SPIDR: variants seen among roughly 807,000 people sequenced by gnomAD.
The protein encoded by SPIDR is scaffold protein involved in DNA repair, also known as DNA repair-scaffolding protein.
Under a neutral mutation model 104.6 loss-of-function variants are expected in SPIDR, and 93 were observed. The observed-to-expected ratio is 0.89, with a 90% CI of 0.75 to 1.06. SPIDR has a LOEUF of 1.06. SPIDR is among the 50% of genes least tolerant of loss of function. The pLI, the probability that SPIDR is intolerant of heterozygous loss-of-function variation, is 0.00. For missense variants in SPIDR, 1,154 were observed against 1,111.2 expected, an observed-to-expected ratio of 1.04 and a Z score of -0.55; for synonymous variants, 431 against 416.9, an observed-to-expected ratio of 1.03 and a Z score of -0.41.
intron 8 of SPIDR, among the ~76,000 whole-genome samples, chr8:47,539,637 T>C (rs1313231911): frequency 2.0e-5 from 3 of 152,082 alleles, no homozygotes; most frequent in Non-Finnish European, 4.4e-5. Context: ...AATCCACTCA[T>C]GTAAATGCTT....
chr8:47,615,283 G>A (rs556305536), intron 10 of SPIDR, among the ~76,000 whole-genome samples: 43 of 151,930 alleles, frequency 2.8e-4, no homozygotes, highest in Admixed American at 5.3e-4. Context: ...TGTGCTTTTG[G>A]TATCTTTTCT....
chr8:47,396,401 A>G lies in SPIDR; in HGVS notation c.551A>G (p.Tyr184Cys), dbSNP rs1554658420. ...CCAAGTTCTATAGAAATTTTAGAGT[A>G]TTCATCAGATAGTGAAAAAGAAGAT... is the stretch of plus-strand genomic sequence containing the variant. Reference protein sequence around the residue: ...PKPSSIEILEYSSDSEKEDDL... With the variant: ...PKPSSIEILECSSDSEKEDDL... The change falls in exon 6 of 20, where the codon TAT becomes TGT. Residue 184 changes from tyrosine to cysteine, a missense_variant. Physicochemically the swap from Tyr to Cys is radical, Grantham distance 194 (BLOSUM62 -2). Coordinates refer to ENST00000297423, the MANE Select transcript of SPIDR (RefSeq NM_001080394.4). The G allele has an allele frequency of 1.2e-6, 2 of 1,609,808 alleles. No individual in the cohort carries two copies. Among genetic ancestry groups the G allele is most frequent in the South Asian group, 1.1e-5 (1 of 90,960 alleles).
At chr8:47,727,897 T>C (rs900837296) in intron 17 of SPIDR, among the ~76,000 whole-genome samples, 1 of 152,004 alleles carries the variant, frequency 6.6e-6, no homozygotes, top group African/African-American at 2.4e-5. Context: ...GGCAGGCGGA[T>C]CATAAGGTAA....
intron 10 of SPIDR, among the ~76,000 whole-genome samples, chr8:47,623,599 T>C (rs1000234008): frequency 2.0e-5 from 3 of 152,084 alleles, no homozygotes; most frequent in African/African-American, 7.2e-5. Context: ...TAGTCTCTGA[T>C]AAAACAGACT....
In SPIDR at chr8:47,691,309, A is replaced by AAG. The variant is rs1218127439; in HGVS notation, c.1686-9088_1686-9087dup. On this transcript the variant is annotated intron_variant, in intron 11 of 19. Coordinates refer to ENST00000297423, the MANE Select transcript of SPIDR (RefSeq NM_001080394.4). ...CCGTCTCAAAAAAAAAAAAAAAAAA[A>AAG]AGAGAGAAAAGAAAAAGAAAAATAT... Among the ~76,000 whole-genome samples, 5 of 151,002 alleles carry AAG rather than the reference A, an allele frequency of 3.3e-5. No individual in the cohort carries two copies. In the South Asian group the frequency reaches 6.2e-4, roughly 19 times the overall value.
intron 10 of SPIDR, among the ~76,000 whole-genome samples, chr8:47,638,587 T>C (rs564502764): frequency 1.3e-5 from 2 of 152,320 alleles, no homozygotes; most frequent in South Asian, 2.1e-4. Context: ...CAGGAAAAGA[T>C]CCTTTTCTCA....
At chr8:47,598,128 ATAGTTT>A (rs1458283113) in intron 9 of SPIDR, among the ~76,000 whole-genome samples, 3 of 152,228 alleles carry the variant, frequency 2.0e-5, no homozygotes, top group African/African-American at 7.2e-5. Context: ...GTTTTAACAT[ATAGTTT>A]TAAACAGCTA....
intron 8 of SPIDR, among the ~76,000 whole-genome samples, chr8:47,505,643 C>T (rs1167718502): frequency 2.6e-5 from 4 of 152,148 alleles, no homozygotes; most frequent in African/African-American, 9.7e-5. Context: ...GCCCACTTTC[C>T]GATACTCCCC....
At chr8:47,461,011 G>A (rs1266826585) in intron 8 of SPIDR, among the ~76,000 whole-genome samples, 2 of 152,222 alleles carry the variant, frequency 1.3e-5, no homozygotes, top group South Asian at 2.1e-4. Context: ...CTTGTAGGGT[G>A]TCTGCTGAGA....
At chr8:47,662,117 C>T (rs80314050) in intron 10 of SPIDR, among the ~76,000 whole-genome samples, 5,471 of 152,310 alleles carry the variant, frequency 0.036, 146 homozygotes, top group Middle Eastern at 0.062. Flanking sequence ...GCGCTCTGTC[C>T]CGCATCCCTT....
At chr8:47,587,356 A>G (rs923406761) in intron 8 of SPIDR, among the ~76,000 whole-genome samples, 5 of 151,974 alleles carry the variant, frequency 3.3e-5, no homozygotes, top group Admixed American at 2.6e-4. Flanking sequence ...ACAGGGGCCT[A>G]TTTCTGGGAG....
intron 14 of SPIDR, among the ~76,000 whole-genome samples, chr8:47,709,654 T>A (rs1433581989): frequency 6.6e-6 from 1 of 152,202 alleles, no homozygotes; most frequent in Non-Finnish European, 1.5e-5. Context: ...TACTGATGTC[T>A]TTTTACAGAT....
chr8:47,515,145 C>T (rs1446235526), intron 8 of SPIDR, among the ~76,000 whole-genome samples: 1 of 152,194 alleles, frequency 6.6e-6, no homozygotes, highest in Admixed American at 6.5e-5. Flanking sequence ...CTGACCCCCA[C>T]TAGCCTTCAA....
intron 8 of SPIDR, among the ~76,000 whole-genome samples, chr8:47,543,704 G>A (rs2088696280): frequency 6.6e-6 from 1 of 152,146 alleles, no homozygotes; most frequent in African/African-American, 2.4e-5. Context: ...ATCCAGGGGT[G>A]GAATTTTTGG....
intron 10 of SPIDR, among the ~76,000 whole-genome samples, chr8:47,657,279 G>A (rs897998748): frequency 6.6e-6 from 1 of 151,992 alleles, no homozygotes; most frequent in Non-Finnish European, 1.5e-5. Flanking sequence ...AGGGAATTGT[G>A]CTGAGGAAAA....
chr8:47,349,934 C>T (rs899437185), intron 5 of SPIDR, among the ~76,000 whole-genome samples: 5 of 152,190 alleles, frequency 3.3e-5, no homozygotes, highest in East Asian at 3.9e-4. Flanking sequence ...CTGGGTGAGG[C>T]GATGCCCCGC....
intron 5 of SPIDR, among the ~76,000 whole-genome samples, chr8:47,335,748 C>T (rs879999489): frequency 1.3e-5 from 2 of 152,182 alleles, no homozygotes; most frequent in African/African-American, 2.4e-5. Context: ...CATGCCCAGG[C>T]CTCTCACAAC....
At chr8:47,601,570 T>C (rs1202141462) in intron 10 of SPIDR, among the ~76,000 whole-genome samples, 2 of 152,168 alleles carry the variant, frequency 1.3e-5, no homozygotes, top group African/African-American at 4.8e-5. Context: ...GGTGCGTGCC[T>C]GCAGTCCCAG....
chr8:47,685,497 A>ATTTTTTTTTTTTTTTTTTTTTTTT (rs1383864694), intron 11 of SPIDR, among the ~76,000 whole-genome samples: 3 of 113,134 alleles, frequency 2.7e-5, no homozygotes, highest in African/African-American at 5.4e-5. Context: ...TTATTTATTT[A>ATTTTTTTTTTTTTTTTTTTTTTTT]TTTATTTATT....
Sources: allele counts gnomAD v4.1 joint callset (sites outside exome capture counted in the v4.1 genomes callset), GRCh38; gene constraint gnomAD v4.1.1; transcripts MANE v1.5; gene names NCBI Gene and HGNC (gene_info 2026-07-23, HGNC 2026-07-21).